Variants in PLEKHG1 observed in about 807,000 individuals in gnomAD.
PLEKHG1 encodes the protein pleckstrin homology domain-containing family G member 1.
A neutral mutation model predicts 100.8 loss-of-function variants in PLEKHG1; 44 were observed. The observed-to-expected ratio is 0.44, with a 90% CI of 0.34 to 0.56. PLEKHG1 has a LOEUF of 0.56. Ranked by LOEUF, PLEKHG1 falls within the 20% of genes least tolerant of loss-of-function variation. The pLI, the probability that PLEKHG1 is intolerant of heterozygous loss-of-function variation, is 0.01. For missense variants in PLEKHG1, 1,545 were observed against 1,720.9 expected, an observed-to-expected ratio of 0.90 and a Z score of 1.81; for synonymous variants, 640 against 662.5, an observed-to-expected ratio of 0.97 and a Z score of 0.52.
At chr6:150,799,500 G>A (rs899133668) in intron 5 of PLEKHG1, among the ~76,000 whole-genome samples, 1 of 152,178 alleles carries the variant, frequency 6.6e-6, no homozygotes, top group African/African-American at 2.4e-5. Context: ...CCGGGAACCT[G>A]GAGCTCAGCA....
intron 3 of PLEKHG1, among the ~76,000 whole-genome samples, chr6:150,674,682 T>TCTCTCTCCTCTCTCTCTCTCTCTCC (rs1455673564): frequency 1.9e-5 from 2 of 104,232 alleles, no homozygotes; most frequent in Non-Finnish European, 4.1e-5. Flanking sequence ...TCTCTCTCTC[T>TCTCTCTCCTCTCTCTCTCTCTCTCC]CCCCCCTCTT....
chr6:150,835,029 C>A (rs1242506499), intron 15 of PLEKHG1, among the ~76,000 whole-genome samples: 1 of 152,128 alleles, frequency 6.6e-6, no homozygotes, highest in Non-Finnish European at 1.5e-5. Flanking sequence ...GTGGGCCTTG[C>A]CGCTTTGCCA....
intron 2 of PLEKHG1, among the ~76,000 whole-genome samples, chr6:150,737,341 G>C (rs1261365731): frequency 6.7e-6 from 1 of 149,740 alleles, no homozygotes. Context: ...CTGGAGTGCG[G>C]AGTGCAGTGG....
chr6:150,803,966 T>C (rs1786858864), intron 6 of PLEKHG1, among the ~76,000 whole-genome samples: 1 of 151,292 alleles, frequency 6.6e-6, no homozygotes. Context: ...ACGTCTGTTA[T>C]AATAACTATA....
intron 10 of PLEKHG1, among the ~76,000 whole-genome samples, chr6:150,814,045 A>G (rs866170718): frequency 5.9e-5 from 9 of 152,198 alleles, no homozygotes; most frequent in African/African-American, 2.2e-4. Flanking sequence ...GCCAGCAATG[A>G]TTTGGTCCTC....
chr6:150,782,073 C>T (rs1344256027), intron 3 of PLEKHG1, among the ~76,000 whole-genome samples: 7 of 152,044 alleles, frequency 4.6e-5, no homozygotes, highest in East Asian at 1.9e-4. Flanking sequence ...CCACCATGCC[C>T]GGCCTTAAAA....
At chr6:150,667,482 CTGTT>C (rs144938463) in intron 3 of PLEKHG1, among the ~76,000 whole-genome samples, 2 of 152,258 alleles carry the variant, frequency 1.3e-5, no homozygotes, top group Admixed American at 6.5e-5. Flanking sequence ...GAACATACTT[CTGTT>C]TGTTACAATT....
At position 150,663,396 on chromosome 6, in the gene PLEKHG1, A is replaced by G. The variant is rs536589104; in HGVS notation, c.-99+12610A>G. 245 of 152,282 alleles carry G rather than the reference A, an allele frequency of 1.6e-3. 1 individual carries two copies. The highest frequency in any genetic ancestry group is 5.7e-3 in the African/African-American group (238 of 41,548). 9.4% of individuals were successfully genotyped at this position (152,282 alleles called of 1,614,324 possible). A position where few individuals can be genotyped will look rare whatever the true frequency, so the allele number is the denominator to read the frequency against. ...TTCAGGAAAATGTGGCTCACAAATG[A>G]ACCATTTAGAGCAAATGGTGCATCT... On this transcript the variant is annotated intron_variant, in intron 3 of 3. Coordinates refer to the PLEKHG1 transcript ENST00000367326.
At chr6:150,758,516 G>A (rs906195110) in intron 2 of PLEKHG1, among the ~76,000 whole-genome samples, 1 of 152,086 alleles carries the variant, frequency 6.6e-6, no homozygotes, top group Non-Finnish European at 1.5e-5. Context: ...TGTATTTTTA[G>A]TAGAGATGGG....
chr6:150,722,041 A>G (rs534302008), intron 1 of PLEKHG1, among the ~76,000 whole-genome samples: 33 of 152,176 alleles, frequency 2.2e-4, no homozygotes, highest in Non-Finnish European at 4.0e-4. Flanking sequence ...ATATGAAAGG[A>G]ACAAAATTAT....
In PLEKHG1 at chr6:150,635,778, T is replaced by A. The variant is rs557236417; in HGVS notation, c.-203-2302T>A. Among the ~76,000 whole-genome samples, 7 of 152,282 alleles carry A rather than the reference T, an allele frequency of 4.6e-5. No individual in the cohort carries two copies. The East Asian group carries it at 1.4e-3, about 29-fold the overall frequency. ...TACATCCTGATTTCAGGTATGTTTTTAAAACACTGTGTATCTTAAAAAAAC... is the reference window on the plus strand; with the variant it reads ...TACATCCTGATTTCAGGTATGTTTTAAAAACACTGTGTATCTTAAAAAAAC... On this transcript the variant is annotated intron_variant, in intron 1 of 3. Transcript: ENST00000367326.
At chr6:150,679,623 T>C (rs1286770426) in intron 3 of PLEKHG1, among the ~76,000 whole-genome samples, 3 of 152,212 alleles carry the variant, frequency 2.0e-5, no homozygotes, top group Admixed American at 1.3e-4. Flanking sequence ...GGCAGTATAG[T>C]TGTTCATTCA....
intron 13 of PLEKHG1, among the ~76,000 whole-genome samples, chr6:150,821,727 A>T (rs1776310956): frequency 6.6e-6 from 1 of 152,054 alleles, no homozygotes. Context: ...ATACAGTCAA[A>T]TGACATAAAA....
intron 3 of PLEKHG1, among the ~76,000 whole-genome samples, chr6:150,779,017 C>G (rs1012037835): frequency 3.9e-5 from 6 of 152,174 alleles, no homozygotes; most frequent in Non-Finnish European, 8.8e-5. Flanking sequence ...TAAGAGAGTG[C>G]AGGACTGGGA....
At chr6:150,686,067 G>T (rs1033120042) in intron 3 of PLEKHG1, among the ~76,000 whole-genome samples, 1 of 152,194 alleles carries the variant, frequency 6.6e-6, no homozygotes, top group Non-Finnish European at 1.5e-5. Context: ...TGCAGTCATT[G>T]GTCACTGCCC....
chr6:150,808,202 A>G (rs532905149), intron 7 of PLEKHG1, among the ~76,000 whole-genome samples: 2 of 152,232 alleles, frequency 1.3e-5, no homozygotes, highest in South Asian at 4.2e-4. Flanking sequence ...CCTACTGTGT[A>G]CCCATAAAAT....
intron 1 of PLEKHG1, among the ~76,000 whole-genome samples, chr6:150,731,075 T>A (rs779332961): frequency 5.7e-4 from 86 of 152,116 alleles, no homozygotes; most frequent in Non-Finnish European, 5.6e-4. Flanking sequence ...GAAACCTTGT[T>A]GTGTCCACCC....
intron 6 of PLEKHG1, among the ~76,000 whole-genome samples, chr6:150,802,170 A>G (rs1786752988): frequency 1.3e-5 from 2 of 152,078 alleles, no homozygotes; most frequent in Admixed American, 6.6e-5. Context: ...TTTACTAGCA[A>G]TTTCTTAGCT....
chr6:150,769,981 T>C (rs1784636882), intron 3 of PLEKHG1, among the ~76,000 whole-genome samples: 1 of 152,130 alleles, frequency 6.6e-6, no homozygotes, highest in African/African-American at 2.4e-5. Flanking sequence ...ATGTCTAAAA[T>C]GGTGTCAGGC....
Sources: gnomAD v4.1 joint callset for allele counts (sites outside exome capture counted in the v4.1 genomes callset) on GRCh38, gnomAD v4.1.1 for gene constraint, MANE v1.5 for transcripts, NCBI Gene and HGNC (gene_info 2026-07-23, HGNC 2026-07-21) for gene names.